Variants in CEP128 observed in about 807,000 individuals in gnomAD.
CEP128 encodes the protein centrosomal protein 128kDa.
In CEP128, 132 loss-of-function variants were observed where a neutral mutation model predicts 156.7. That is an observed-to-expected ratio of 0.84 (90% confidence interval 0.73 to 0.97). The LOEUF (loss-of-function observed/expected upper bound fraction) is 0.97. Ranked by LOEUF, CEP128 falls within the 50% of genes least tolerant of loss-of-function variation. CEP128 has a pLI of 0.00. For missense variants in CEP128, 1,252 were observed against 1,281.9 expected (o/e 0.98, Z 0.36); for synonymous variants, 469 against 448.9 (o/e 1.04, Z -0.57).
chr14:80,616,990 T>C (rs1009862552), intron 19 of CEP128, among the ~76,000 whole-genome samples: 3 of 152,126 alleles, frequency 2.0e-5, no homozygotes, highest in Admixed American at 1.3e-4. Context: ...TGTTACATCA[T>C]ATGGTCCCAG....
At position 80,485,266 on chromosome 14, in the gene CEP128, G is replaced by A. The variant is rs549696665; in HGVS notation, c.*311-6859C>T. 7.9e-5 allele frequency among the ~76,000 whole-genome samples: 12 copies of A among 152,180 alleles called. 1 individual carries two copies. The highest frequency in any genetic ancestry group is 1.9e-4 in the East Asian group (1 of 5,184). On this transcript the variant is annotated intron_variant and NMD_transcript_variant, in intron 14 of 14. Transcript: ENST00000554502. ...AACAAAACAAGAAGAATCATTTTGCGGTTGTATGGCTTCACCTTTAGTATT... is the reference window on the plus strand; with the variant it reads ...AACAAAACAAGAAGAATCATTTTGCAGTTGTATGGCTTCACCTTTAGTATT...
At chr14:80,501,340 A>AT (rs1887723783) in intron 24 of CEP128, among the ~76,000 whole-genome samples, 1 of 152,276 alleles carries the variant, frequency 6.6e-6, no homozygotes, top group Admixed American at 6.5e-5. Flanking sequence ...TTTATCTACG[A>AT]ATGAAGGATT....
chr14:80,813,091 TA>T (rs1381085753), intron 13 of CEP128, among the ~76,000 whole-genome samples: 1 of 152,214 alleles, frequency 6.6e-6, no homozygotes, highest in African/African-American at 2.4e-5. Flanking sequence ...TTAATTTATT[TA>T]AGTTTCTTAC....
chr14:80,607,947 C>G (rs531950891), intron 19 of CEP128, among the ~76,000 whole-genome samples: 2 of 152,220 alleles, frequency 1.3e-5, no homozygotes, highest in Non-Finnish European at 2.9e-5. Flanking sequence ...CTCTCCTCCA[C>G]GCAGTCTCAG....
At chr14:80,733,362 G>A (rs2139539239) in intron 19 of CEP128, among the ~76,000 whole-genome samples, 2 of 151,534 alleles carry the variant, frequency 1.3e-5, no homozygotes, top group African/African-American at 4.9e-5. Context: ...GTGTGTGTGT[G>A]TGTGTGTGTG....
intron 21 of CEP128, among the ~76,000 whole-genome samples, chr14:80,556,106 G>GT: frequency 6.6e-6 from 1 of 152,134 alleles, no homozygotes; most frequent in South Asian, 2.1e-4. Context: ...CTCAATCAAA[G>GT]TTTTTTCCCA....
intron 8 of CEP128, among the ~76,000 whole-genome samples, chr14:80,868,365 A>G (rs1257571330): frequency 2.6e-5 from 4 of 152,224 alleles, no homozygotes; most frequent in Non-Finnish European, 5.9e-5. Context: ...TGTAACATCA[A>G]TAATGTAAAA....
At chr14:80,531,788 A>T in intron 21 of CEP128, among the ~76,000 whole-genome samples, 1 of 152,208 alleles carries the variant, frequency 6.6e-6, no homozygotes. Flanking sequence ...GTTGCAGGGA[A>T]GTTAGTGGCC....
chr14:80,480,232 C>A (rs1057370571), intron 14 of CEP128, among the ~76,000 whole-genome samples: 10 of 152,232 alleles, frequency 6.6e-5, no homozygotes, highest in African/African-American at 9.6e-5. Flanking sequence ...CTCTTCTGCA[C>A]TGCCCTAGCA....
chr14:80,746,704 C>CA (rs1284290183), intron 18 of CEP128, among the ~76,000 whole-genome samples: 1 of 152,074 alleles, frequency 6.6e-6, no homozygotes, highest in African/African-American at 2.4e-5. Context: ...GGTGTAACAC[C>CA]AAAAGCAGAA....
In CEP128 at chr14:80,497,522, T is replaced by C; in HGVS notation, c.3242A>G (p.Asn1081Ser). The C allele has an allele frequency of 1.2e-6, 2 of 1,613,598 alleles. No homozygotes were observed. Among genetic ancestry groups the C allele is most frequent in the Non-Finnish European group, 1.7e-6 (2 of 1,179,680 alleles). The change falls in exon 25 of 25, where the codon AAT becomes AGT. Residue 1081 changes from asparagine (N) to serine (S), a missense_variant. Transcript: ENST00000555265. ...TTTTTTGGGTTGTGAACTTGTTCCA[T>C]TCATTGTGGCATCTTCCTTGTTTGA... is the stretch of plus-strand genomic sequence containing the variant. ...SASNKEDATM[N>S]GTSSQPKKEE...
At chr14:80,854,824 A>C (rs1887066438) in intron 9 of CEP128, among the ~76,000 whole-genome samples, 1 of 152,238 alleles carries the variant, frequency 6.6e-6, no homozygotes, top group African/African-American at 2.4e-5. Context: ...ACAAATATTT[A>C]GTAAGTATTA....
intron 19 of CEP128, among the ~76,000 whole-genome samples, chr14:80,593,408 G>T (rs142255117): frequency 0.052 from 7,931 of 151,900 alleles, 661 homozygotes; most frequent in African/African-American, 0.18. Flanking sequence ...AGGCATGGTG[G>T]AAGGCGCCTG....
At chr14:80,707,635 A>C (rs1270053169) in intron 19 of CEP128, among the ~76,000 whole-genome samples, 1 of 152,184 alleles carries the variant, frequency 6.6e-6, no homozygotes, top group African/African-American at 2.4e-5. Flanking sequence ...AAAATCCAAC[A>C]TGAGGTCATA....
chr14:80,559,444 TG>T, intron 20 of CEP128, 142 bp from the exon 21 acceptor site: 1 of 658,676 alleles, frequency 1.5e-6, no homozygotes, highest in Non-Finnish European at 2.5e-6. Flanking sequence ...CTATTCAGAA[TG>T]ATCTCTAGAA....
At chr14:80,539,747 A>G (rs1594969102) in intron 21 of CEP128, among the ~76,000 whole-genome samples, 1 of 151,116 alleles carries the variant, frequency 6.6e-6, no homozygotes, top group East Asian at 1.9e-4. Flanking sequence ...GAGCGTATAA[A>G]CAGATGTGCA....
At chr14:80,637,021 G>A (rs1894210800) in intron 19 of CEP128, among the ~76,000 whole-genome samples, 1 of 151,930 alleles carries the variant, frequency 6.6e-6, no homozygotes, top group South Asian at 2.1e-4. Context: ...AGGAGGCGGA[G>A]GTTGTGGTGA....
intron 20 of CEP128, among the ~76,000 whole-genome samples, chr14:80,573,998 C>T (rs1272846558): frequency 6.6e-6 from 1 of 152,110 alleles, no homozygotes; most frequent in Non-Finnish European, 1.5e-5. Flanking sequence ...GAGGAATGCA[C>T]CTTGAGAAGA....
At chr14:80,932,626 A>C (rs1006537578) in intron 2 of CEP128, among the ~76,000 whole-genome samples, 45 of 152,180 alleles carry the variant, frequency 3.0e-4, no homozygotes, top group Admixed American at 6.5e-5. Context: ...ACTGTCTCCC[A>C]TGACCCCAAG....
Sources: allele counts gnomAD v4.1 joint callset (sites outside exome capture counted in the v4.1 genomes callset), GRCh38; gene constraint gnomAD v4.1.1; transcripts MANE v1.5; gene names NCBI Gene and HGNC (gene_info 2026-07-23, HGNC 2026-07-21).